Variants in S100PBP observed in about 807,000 individuals in gnomAD.
The protein encoded by S100PBP is S100P-binding protein.
In S100PBP, 15 loss-of-function variants were observed where a neutral mutation model predicts 39.9. That is an observed-to-expected ratio of 0.38 (90% confidence interval 0.25 to 0.58). S100PBP has a LOEUF of 0.58. Among genes scored for constraint, S100PBP ranks in the 20% least tolerant of loss-of-function variants. S100PBP has a pLI of 0.70. For synonymous variants in S100PBP, 178 were observed against 180.3 expected (o/e 0.99, Z 0.10); for missense variants, 504 against 487.3 (o/e 1.03, Z -0.32).
intron 6 of S100PBP, among the ~76,000 whole-genome samples, chr1:32,854,802 C>T (rs982138912): frequency 6.6e-6 from 1 of 152,136 alleles, no homozygotes; most frequent in African/African-American, 2.4e-5. Flanking sequence ...TGCTTCAGGG[C>T]CTTTACAGTC....
At position 32,826,723 on chromosome 1, in the gene S100PBP, T is replaced by A. The variant is rs1445758987; in HGVS notation, c.624T>A (p.Asn208Lys). ...TCAGCCCCAATAACTCTGCCTGGAA[T>A]GGGCCCCAGCTCTCTTCTTCAAACA... ...EGISPNNSAWNGPQLSSSNNN... is the reference protein window; with the variant it reads ...EGISPNNSAWKGPQLSSSNNN... Residue 208 changes from asparagine (N) to lysine (K), a missense_variant, in exon 3 of 7, where the codon AAT (asparagine) becomes AAA (lysine). Physicochemically the swap from Asn to Lys is moderately conservative, Grantham distance 94. Coordinates refer to ENST00000373475, the MANE Select transcript of S100PBP (RefSeq NM_022753.4). 2.5e-6 allele frequency: 4 copies of A among 1,614,168 alleles called. No homozygotes were observed. Among genetic ancestry groups the A allele is most frequent in the Non-Finnish European group, 2.5e-6 (3 of 1,180,018 alleles).
intron 5 of S100PBP, among the ~76,000 whole-genome samples, chr1:32,843,620 A>G (rs938612907): frequency 6.6e-6 from 1 of 152,060 alleles, no homozygotes; most frequent in Non-Finnish European, 1.5e-5. Context: ...TATCTGGCTA[A>G]TTTTGTACTT....
upstream of S100PBP, chr1:32,817,160 C>T (rs1398392507): frequency 1.2e-6 from 2 of 1,613,844 alleles, no homozygotes; most frequent in African/African-American, 1.3e-5. Flanking sequence ...TAATCCCCAA[C>T]GGCGCATTTC....
At chr1:32,838,004 G>C (rs1004412258) in intron 5 of S100PBP, among the ~76,000 whole-genome samples, 5 of 152,126 alleles carry the variant, frequency 3.3e-5, no homozygotes, top group Non-Finnish European at 5.9e-5. Context: ...TAAATATCTA[G>C]AGTAAAATGA....
intron 1 of S100PBP, among the ~76,000 whole-genome samples, chr1:32,821,495 T>A (rs992322431): frequency 1.3e-5 from 2 of 152,042 alleles, no homozygotes; most frequent in East Asian, 3.9e-4. Context: ...CTAATTTTTG[T>A]ACTTTTAGTA....
At chr1:32,819,655 CAG>C (rs1638952752) in intron 1 of S100PBP, among the ~76,000 whole-genome samples, 2 of 152,280 alleles carry the variant, frequency 1.3e-5, no homozygotes, top group African/African-American at 2.4e-5. Context: ...AGATGGTAGA[CAG>C]AGAAGTAAGC....
At chr1:32,830,757 C>T (rs374957757) in intron 5 of S100PBP, among the ~76,000 whole-genome samples, 10 of 152,200 alleles carry the variant, frequency 6.6e-5, no homozygotes, top group African/African-American at 2.4e-4. Context: ...TTAAAAAGAT[C>T]ACTCCAGGCT....
intron 1 of S100PBP, among the ~76,000 whole-genome samples, chr1:32,822,470 A>G (rs2062153): frequency 0.97 from 147,055 of 151,844 alleles, 71,379 homozygotes; most frequent in East Asian, 1. Flanking sequence ...AAAATTAGCC[A>G]GGCGTGGTGG....
At chr1:32,842,379 A>G (rs1451050175) in intron 5 of S100PBP, among the ~76,000 whole-genome samples, 2 of 151,436 alleles carry the variant, frequency 1.3e-5, no homozygotes, top group Non-Finnish European at 2.9e-5. Flanking sequence ...ACCTTTGTCA[A>G]AAATCATTTG....
Position 32,858,106 on chromosome 1 carries a change from G to T in S100PBP, c.*2068G>T, listed in dbSNP as rs1640888334. 6.6e-6 allele frequency: 1 copy of T among 152,484 alleles called. No individual in the cohort carries two copies. Among genetic ancestry groups the T allele is most frequent in the African/African-American group, 2.4e-5 (1 of 41,434 alleles). 9.4% of individuals were successfully genotyped at this position (152,484 alleles called of 1,614,324 possible). ...GCATAGTTAAAATTAAATGTAGTTG[G>T]AATAGCTAGCATTGCAGCTACAGTA... On this transcript the variant is annotated 3_prime_UTR_variant, in exon 7 of 7. Transcript: ENST00000373475.
chr1:32,854,697 T>G (rs1203066361), intron 6 of S100PBP, among the ~76,000 whole-genome samples: 1 of 152,202 alleles, frequency 6.6e-6, no homozygotes, highest in Non-Finnish European at 1.5e-5. Context: ...CCCAGTGGCT[T>G]CCCATCTCAC....
At chr1:32,837,157 C>CAAAAAA (rs530366757) in intron 5 of S100PBP, 6 of 37,306 alleles carry the variant, frequency 1.6e-4, no homozygotes, top group Non-Finnish European at 2.6e-4. Flanking sequence ...GACTCCATCT[C>CAAAAAA]AAAAAAAAAA....
At chr1:32,853,052 C>G in intron 5 of S100PBP, 27 bp from the exon 6 acceptor site, 2 of 1,541,436 alleles carry the variant, frequency 1.3e-6, no homozygotes, top group Non-Finnish European at 1.8e-6. Flanking sequence ...TCAGCTGTTC[C>G]TAACCACTGA....
chr1:32,827,608 A>C (rs185411021), intron 3 of S100PBP, among the ~76,000 whole-genome samples: 1 of 152,010 alleles, frequency 6.6e-6, no homozygotes, highest in African/African-American at 2.4e-5. Context: ...CTCAGTCTCG[A>C]GTAGCTGGGA....
At chr1:32,834,261 T>C (rs888170089) in intron 5 of S100PBP, among the ~76,000 whole-genome samples, 15 of 152,228 alleles carry the variant, frequency 9.9e-5, no homozygotes, top group Non-Finnish European at 2.2e-4. Context: ...GTAATATATA[T>C]TCCATATTCC....
At chr1:32,841,283 C>T (rs1171129590) in intron 5 of S100PBP, among the ~76,000 whole-genome samples, 2 of 152,052 alleles carry the variant, frequency 1.3e-5, no homozygotes, top group Non-Finnish European at 1.5e-5. Context: ...TATTTTCTCC[C>T]AGTATATGCC....
chr1:32,852,114 T>C (rs1256943587), intron 5 of S100PBP, among the ~76,000 whole-genome samples: 1 of 151,644 alleles, frequency 6.6e-6, no homozygotes, highest in East Asian at 1.9e-4. Context: ...GGAATTGGAG[T>C]CCAGCCTCGC....
In S100PBP at chr1:32,826,860, G is replaced by T. The variant is rs373555159; in HGVS notation, c.761G>T (p.Cys254Phe). The T allele has an allele frequency of 9.3e-6, 15 of 1,612,840 alleles. No individual in the cohort carries two copies. Among genetic ancestry groups the T allele is most frequent in the Non-Finnish European group, 1.3e-5 (15 of 1,179,662 alleles). ...GAGACTCCTAATATGGAGTTATCCT[G>T]CAGAAATGGTGGTTCACACAAGTCA... ...HSETPNMELS[C>F]RNGGSHKSSC... Residue 254 changes from cysteine (C) to phenylalanine (F), a missense_variant, in exon 3 of 7, where the codon TGC (cysteine) becomes TTC (phenylalanine). Cys to Phe is a radical substitution (Grantham distance 205, BLOSUM62 -2). Transcript: ENST00000373475.
At chr1:32,819,960 C>T (rs139815419) in intron 1 of S100PBP, among the ~76,000 whole-genome samples, 1 of 152,038 alleles carries the variant, frequency 6.6e-6, no homozygotes, top group Non-Finnish European at 1.5e-5. Context: ...AAGGATAGTT[C>T]AGTGAACATT....
Sources: gnomAD v4.1 joint callset for allele counts (sites outside exome capture counted in the v4.1 genomes callset) on GRCh38, gnomAD v4.1.1 for gene constraint, MANE v1.5 for transcripts, NCBI Gene and HGNC (gene_info 2026-07-23, HGNC 2026-07-21) for gene names.